The following CR1L variants were observed in gnomAD, a reference collection of about 807,000 sequenced individuals.
The protein encoded by CR1L is complement C3b/C4b receptor 1 like, also known as complement component receptor 1-like protein.
A neutral mutation model predicts 62.3 loss-of-function variants in CR1L; 59 were observed. The ratio of observed to expected loss-of-function variants is 0.95; its 90% CI spans 0.77 to 1.18. The LOEUF is 1.18. CR1L is among the 50% of genes most tolerant of loss of function. The pLI, the probability that CR1L is intolerant of heterozygous loss-of-function variation, is 0.00. For synonymous variants in CR1L, 279 were observed against 248.7 expected, an observed-to-expected ratio of 1.12 and a Z score of -1.15; for missense variants, 700 against 702.8, an observed-to-expected ratio of 1.00 and a Z score of 0.04.
At chr1:207,683,830 C>T in intron 3 of CR1L, 42 bp from the exon 4 acceptor site, 1 of 1,560,054 alleles carries the variant, frequency 6.4e-7, no homozygotes, top group Non-Finnish European at 8.8e-7. Context: ...GGTAGTTGAC[C>T]TGTGTATTTA....
At chr1:207,704,508 AACAGCATTGCATGCT>A (rs557702841) in intron 9 of CR1L, among the ~76,000 whole-genome samples, 180 of 152,354 alleles carry the variant, frequency 1.2e-3, no homozygotes, top group African/African-American at 4.1e-3. Context: ...AATGTTATCA[AACAGCATTGCATGCT>A]ACAGCAAAAT....
At chr1:207,711,910 A>C (rs12732318) in intron 10 of CR1L, among the ~76,000 whole-genome samples, 14 of 152,004 alleles carry the variant, frequency 9.2e-5, no homozygotes, top group African/African-American at 3.1e-4. Context: ...AAAAAAAAAA[A>C]ACACAAAAAA....
chr1:207,651,093 A>C (rs6540438), intron 1 of CR1L, among the ~76,000 whole-genome samples: 12,452 of 152,176 alleles, frequency 0.082, 736 homozygotes, highest in African/African-American at 0.16. Context: ...CCCAGTGTAG[A>C]TAATTCACTT....
chr1:207,717,990 C>T (rs1253506888), intron 11 of CR1L, among the ~76,000 whole-genome samples: 4 of 152,156 alleles, frequency 2.6e-5, no homozygotes, highest in Non-Finnish European at 5.9e-5. Context: ...GTACTGAAAA[C>T]AAATGCTAAA....
chr1:207,678,138 G>A lies in CR1L; in HGVS notation c.278-60G>A, dbSNP rs1457447254. ...AGCTATAGGCAGGTTGAGACCTTAT[G>A]TACTAAAAAAAAATTCAGTTTACTC... On this transcript the variant is annotated intron_variant, in intron 2 of 11. Transcript: ENST00000508064. The A allele has an allele frequency of 9.6e-6, 14 of 1,458,458 alleles. 1 individual carries two copies. The highest frequency in any genetic ancestry group is 1.4e-5 in the African/African-American group (1 of 71,604). The allele number at this position is 1,458,458 out of a possible 1,614,324, so 90.3% of individuals were successfully genotyped here. A position where few individuals can be genotyped will look rare whatever the true frequency, so the allele number is the denominator to read the frequency against.
At chr1:207,659,631 G>C (rs56806458) in intron 1 of CR1L, among the ~76,000 whole-genome samples, 4,268 of 152,274 alleles carry the variant, frequency 0.028, 203 homozygotes, top group African/African-American at 0.096. Context: ...TGAAGTACCT[G>C]GTTCATCTCA....
At chr1:207,716,029 T>C (rs1299866123) in intron 10 of CR1L, among the ~76,000 whole-genome samples, 1 of 152,198 alleles carries the variant, frequency 6.6e-6, no homozygotes. Context: ...TCACGTATCA[T>C]AAACAATTTA....
intron 9 of CR1L, among the ~76,000 whole-genome samples, chr1:207,705,152 C>G (rs1238474596): frequency 6.6e-6 from 1 of 152,140 alleles, no homozygotes; most frequent in Non-Finnish European, 1.5e-5. Flanking sequence ...GGTCTGTGTC[C>G]TCATATGCTG....
chr1:207,710,531 A>G (rs188507526), intron 10 of CR1L: 11 of 1,609,194 alleles, frequency 6.8e-6, no homozygotes, highest in Non-Finnish European at 8.5e-6. Flanking sequence ...TGAGCCCTCC[A>G]TATACTGCAC....
rs1057166742 is a variant in CR1L, at chr1:207,694,436, G to A, written c.547G>A (p.Val183Met). 8 of 1,613,898 alleles carry A rather than the reference G, an allele frequency of 5.0e-6. No homozygotes were observed. Among genetic ancestry groups the A allele is most frequent in the Non-Finnish European group, 6.8e-6 (8 of 1,179,902 alleles). The stretch of plus-strand genomic sequence containing the variant: ...AGAGTATTTTCACTATGGATCAGTG[G>A]TGACCTACCACTGCAATCTTGGAAG... ...SREYFHYGSV[V>M]TYHCNLGSRG... is the part of the protein sequence containing the mutation. The change falls in exon 5 of 12, where the codon GTG becomes ATG. Residue 183 changes from valine to methionine, a missense_variant. Physicochemically the swap from Val to Met is conservative, Grantham distance 21 (BLOSUM62 1). Transcript: ENST00000508064.
chr1:207,717,396 G>A, intron 10 of CR1L, 68 bp from the exon 11 acceptor site: 25 of 1,523,396 alleles, frequency 1.6e-5, no homozygotes, highest in Non-Finnish European at 2.2e-5. Flanking sequence ...ACTGTCGCAG[G>A]TCACTAATAT....
At chr1:207,714,191 C>T (rs2025374) in intron 10 of CR1L, among the ~76,000 whole-genome samples, 92,760 of 152,066 alleles carry the variant, frequency 0.61, 29,019 homozygotes, top group East Asian at 0.88. Flanking sequence ...GTCAGGGGGT[C>T]ATTCTCTCAG....
At position 207,656,689 on chromosome 1, in the gene CR1L, G is replaced by C. The variant is rs376464294; in HGVS notation, c.97+11359G>C. Among the ~76,000 whole-genome samples the C allele has an allele frequency of 1.5e-4, 23 of 152,240 alleles. No individual in the cohort carries two copies. The East Asian group carries it at 3.9e-3, about 26-fold the overall frequency. On this transcript the variant is annotated intron_variant, in intron 1 of 11. Coordinates refer to ENST00000508064, the MANE Select transcript of CR1L (RefSeq NM_175710.2). ...GGCAGGAGCAGGAGCAAGGTGGGGA[G>C]GACGGGAGGTGTTGCGCACTTTTAA... is the stretch of plus-strand genomic sequence containing the variant.
chr1:207,698,089 A>G (rs1664134535), intron 7 of CR1L, among the ~76,000 whole-genome samples: 1 of 152,208 alleles, frequency 6.6e-6, no homozygotes, highest in Admixed American at 6.5e-5. Context: ...ACACTGGGCC[A>G]TATATTAACT....
intron 10 of CR1L, among the ~76,000 whole-genome samples, chr1:207,712,362 C>T (rs1664372462): frequency 6.6e-6 from 1 of 152,220 alleles, no homozygotes; most frequent in South Asian, 2.1e-4. Flanking sequence ...GGAGAAAATA[C>T]TTCATGCCCT....
intron 9 of CR1L, among the ~76,000 whole-genome samples, chr1:207,706,998 AGACT>A (rs1237717975): frequency 5.3e-5 from 8 of 152,256 alleles, no homozygotes; most frequent in African/African-American, 1.7e-4. Context: ...AAAGATGAGT[AGACT>A]GACTGTACAG....
At chr1:207,682,197 G>T (rs551472398) in intron 3 of CR1L, among the ~76,000 whole-genome samples, 1 of 151,990 alleles carries the variant, frequency 6.6e-6, no homozygotes, top group African/African-American at 2.4e-5. Flanking sequence ...GAGTCCAGGC[G>T]CAGTGGCTCA....
At position 207,651,466 on chromosome 1, in the gene CR1L, A is replaced by G. The variant is rs1042804621; in HGVS notation, c.97+6136A>G. Reference sequence around the variant, plus strand: ...CAGTCTCTCAACCTGAGGCAGGACCATGACCAGGGAGTAAGAAAAGAAATG... The same window carrying G: ...CAGTCTCTCAACCTGAGGCAGGACCGTGACCAGGGAGTAAGAAAAGAAATG... On this transcript the variant is annotated intron_variant, in intron 1 of 11. Transcript: ENST00000508064. Among the ~76,000 whole-genome samples the G allele has an allele frequency of 8.5e-5, 13 of 152,214 alleles. 1 individual carries two copies. The highest frequency in any genetic ancestry group is 3.1e-4 in the African/African-American group (13 of 41,458).
intron 1 of CR1L, among the ~76,000 whole-genome samples, chr1:207,671,481 G>T (rs565543392): frequency 6.6e-6 from 1 of 151,106 alleles, no homozygotes; most frequent in Non-Finnish European, 1.5e-5. Context: ...TACTACCCAT[G>T]AAGTGGTATG....
Sources: allele counts gnomAD v4.1 joint callset (sites outside exome capture counted in the v4.1 genomes callset), GRCh38; gene constraint gnomAD v4.1.1; transcripts MANE v1.5; gene names NCBI Gene and HGNC (gene_info 2026-07-23, HGNC 2026-07-21).